Variants in TUBD1 observed in about 807,000 individuals in gnomAD.
The protein encoded by TUBD1 is tubulin delta 1, also known as tubulin delta chain.
A neutral mutation model predicts 51.2 loss-of-function variants in TUBD1; 38 were observed. The ratio of observed to expected loss-of-function variants is 0.74; its 90% confidence interval spans 0.57 to 0.97. TUBD1 has a LOEUF of 0.97. TUBD1 is among the 50% of genes least tolerant of loss of function. The probability of loss-of-function intolerance (pLI) is 0.00; values close to 1 mark genes in which losing one functional copy is unlikely to be tolerated. For missense variants in TUBD1, 489 were observed against 538.4 expected, an observed-to-expected ratio of 0.91 and a Z score of 0.91; for synonymous variants, 169 against 178.2, an observed-to-expected ratio of 0.95 and a Z score of 0.41.
intron 5 of TUBD1, among the ~76,000 whole-genome samples, chr17:59,876,969 C>T (rs1279347613): frequency 1.3e-5 from 2 of 151,770 alleles, no homozygotes; most frequent in Non-Finnish European, 2.9e-5. Context: ...TCAAGCAATT[C>T]TCCTGCCTGT....
At chr17:59,876,374 A>T (rs1289808307) in intron 5 of TUBD1, among the ~76,000 whole-genome samples, 19 of 129,110 alleles carry the variant, frequency 1.5e-4, no homozygotes, top group African/African-American at 5.2e-4. Flanking sequence ...TTTTTTTTTG[A>T]GATGGAGTTT....
At chr17:59,862,788 G>A (rs1598496536) in intron 8 of TUBD1, among the ~76,000 whole-genome samples, 2 of 138,724 alleles carry the variant, frequency 1.4e-5, no homozygotes, top group Admixed American at 1.5e-4. Context: ...GCAGTGGCGC[G>A]ATCTCGGCTC....
chr17:59,881,387 A>G (rs1433894304), intron 3 of TUBD1, among the ~76,000 whole-genome samples: 3 of 152,184 alleles, frequency 2.0e-5, no homozygotes, highest in Admixed American at 6.6e-5. Flanking sequence ...CGGATTTTTC[A>G]CTCATGCAAA....
intron 6 of TUBD1, among the ~76,000 whole-genome samples, chr17:59,871,977 A>G (rs1598523565): frequency 6.6e-6 from 1 of 151,040 alleles, no homozygotes; most frequent in East Asian, 1.9e-4. Flanking sequence ...TTTTTGAGAC[A>G]GAGTCTCGCT....
intron 8 of TUBD1, 123 bp downstream of exon 8, chr17:59,863,541 G>A (rs1373030776): frequency 2.7e-5 from 18 of 672,790 alleles, no homozygotes; most frequent in African/African-American, 1.3e-4. Flanking sequence ...CCCGGGAGGC[G>A]GAGGTTGCAG....
At chr17:59,885,631 A>G (rs1483693893) in intron 3 of TUBD1, 2 of 785,028 alleles carry the variant, frequency 2.5e-6, no homozygotes, top group African/African-American at 1.7e-5. Flanking sequence ...TGAAATCCCT[A>G]ATAAAACTCA....
Position 59,863,826 on chromosome 17 carries a change from A to C in TUBD1, c.1097T>G (p.Leu366Arg). 6.4e-7 allele frequency: 1 copy of C among 1,565,604 alleles called. No homozygotes were observed. Among genetic ancestry groups the C allele is most frequent in the Non-Finnish European group, 8.6e-7 (1 of 1,162,500 alleles). The change falls in exon 8 of 9, where the codon CTG becomes CGG. Residue 366 changes from leucine (L) to arginine (R), a missense_variant. By Grantham distance (102) the Leu-to-Arg change is moderately radical. Coordinates refer to ENST00000325752, the MANE Select transcript of TUBD1 (RefSeq NM_016261.4). Reference protein sequence around the residue: ...ADVEGFKDPALYTSWLKPVNA... With the variant: ...ADVEGFKDPARYTSWLKPVNA... Reference sequence around the variant, plus strand: ...AACAGGCTTCAACCAGGAAGTATACAGAGCTGGATCTTTAAATCCCTCTAG... The same window carrying C: ...AACAGGCTTCAACCAGGAAGTATACCGAGCTGGATCTTTAAATCCCTCTAG...
Position 59,892,929 on chromosome 17 carries a change from T to G in TUBD1, c.-272A>C. The G allele has an allele frequency of 1.9e-6, 1 of 523,792 alleles. No homozygotes were observed. The highest frequency in any genetic ancestry group is 3.1e-5 in the East Asian group (1 of 32,784). 32.4% of individuals were successfully genotyped at this position (523,792 alleles called of 1,614,324 possible). ...CGCATGCTCACTGTCCACCGAACGC[T>G]CCAGCTGACAATGCGCATGCTCTAG... On this transcript the variant is annotated 5_prime_UTR_variant, in exon 1 of 9. Transcript: ENST00000325752.
intron 5 of TUBD1, among the ~76,000 whole-genome samples, chr17:59,876,358 T>G (rs2040224288): frequency 6.7e-6 from 1 of 149,484 alleles, no homozygotes; most frequent in Admixed American, 6.7e-5. Context: ...GTTTTTTTTT[T>G]GTTTTTTTTT....
At chr17:59,870,388 A>T (rs1273340418) in intron 6 of TUBD1, among the ~76,000 whole-genome samples, 14 of 80,354 alleles carry the variant, frequency 1.7e-4, no homozygotes, top group South Asian at 3.1e-4. Context: ...AAAAAAAAAA[A>T]AAAAAAAAAA....
In TUBD1 at chr17:59,886,138, C is replaced by A. The variant is rs779692134; in HGVS notation, c.265G>T (p.Gly89Cys). The A allele has an allele frequency of 1.9e-5, 31 of 1,613,836 alleles. No homozygotes were observed. The highest frequency in any genetic ancestry group is 2.5e-5 in the Non-Finnish European group (30 of 1,180,018). The stretch of plus-strand genomic sequence containing the variant: ...TTTTGACAGAAGCATGCATGTTGAC[C>A]ATATTTCCATTGGCCAGACTGGGCA... Reference protein sequence around the residue: ...KAAQSGQWKYGQHACFCQKQG... With the variant: ...KAAQSGQWKYCQHACFCQKQG... Residue 89 changes from glycine (G) to cysteine (C), a missense_variant, in exon 3 of 9, where the codon GGT becomes TGT. By Grantham distance (159) the Gly-to-Cys change is radical. Transcript: ENST00000325752.
At chr17:59,892,443 A>C (rs57314677) in intron 1 of TUBD1, among the ~76,000 whole-genome samples, 2,680 of 152,346 alleles carry the variant, frequency 0.018, 72 homozygotes, top group African/African-American at 0.06. Flanking sequence ...CTAGGAAAAG[A>C]CAAGTTTTGA....
chr17:59,878,425 C>T (rs1005280619), intron 4 of TUBD1, 91 bp from the exon 5 acceptor site: 16 of 873,464 alleles, frequency 1.8e-5, no homozygotes, highest in East Asian at 2.6e-5. Flanking sequence ...GGTTCAAATC[C>T]GGGCTCTGTC....
At chr17:59,878,577 C>T (rs1191581866) in intron 4 of TUBD1, 8 of 364,670 alleles carry the variant, frequency 2.2e-5, no homozygotes, top group East Asian at 2.0e-4. Flanking sequence ...CTCGGCCTCC[C>T]GGTTCGAGAT....
intron 8 of TUBD1, among the ~76,000 whole-genome samples, chr17:59,862,810 C>T (rs900205990): frequency 3.5e-4 from 52 of 149,050 alleles, no homozygotes; most frequent in African/African-American, 1.3e-3. Context: ...CTGCAAGCTC[C>T]GCCTCCCGGG....
intron 3 of TUBD1, among the ~76,000 whole-genome samples, chr17:59,885,759 T>C (rs1228530485): frequency 6.6e-6 from 1 of 152,212 alleles, no homozygotes; most frequent in East Asian, 1.9e-4. Context: ...CAGCAAAGTT[T>C]GGGAACTACT....
chr17:59,865,178 A>G (rs2039640971), intron 7 of TUBD1, among the ~76,000 whole-genome samples: 2 of 152,158 alleles, frequency 1.3e-5, no homozygotes, highest in African/African-American at 4.8e-5. Flanking sequence ...TTGCATCACA[A>G]CAAGAAGTAG....
rs368636067 is a variant in TUBD1, at chr17:59,886,216, C to T, written c.187G>A (p.Ala63Thr). The T allele has an allele frequency of 5.0e-6, 8 of 1,612,012 alleles. No homozygotes were observed. The highest frequency in any genetic ancestry group is 6.8e-6 in the Non-Finnish European group (8 of 1,179,460). ...EEENGVPIAR[A>T]VLVDMEPKVI... ...TTGGGTTCCATGTCAACAAGAACAG[C>T]CCGGGCAATTGGAACTAGAGGGGGA... Residue 63 changes from alanine to threonine, a missense_variant, in exon 3 of 9, where the codon GCT becomes ACT. Physicochemically the swap from Ala to Thr is moderately conservative, Grantham distance 58. Transcript: ENST00000325752.
chr17:59,878,029 A>C (rs767094936), intron 5 of TUBD1, 74 bp downstream of exon 5: 61 of 1,173,992 alleles, frequency 5.2e-5, no homozygotes, highest in Non-Finnish European at 7.5e-5. Context: ...GCAGAGGAGG[A>C]GACAGAAAGA....
Sources: gnomAD v4.1 joint callset for allele counts (sites outside exome capture counted in the v4.1 genomes callset) on GRCh38, gnomAD v4.1.1 for gene constraint, MANE v1.5 for transcripts, NCBI Gene and HGNC (gene_info 2026-07-23, HGNC 2026-07-21) for gene names.